The following GRB10 variants were observed in gnomAD, a reference collection of about 807,000 sequenced individuals.
GRB10 encodes growth factor receptor-bound protein 10.
A neutral mutation model predicts 80.9 loss-of-function variants in GRB10; 20 were observed. That is an observed-to-expected ratio of 0.25 (90% confidence interval 0.17 to 0.36). The LOEUF (loss-of-function observed/expected upper bound fraction) is 0.36, where lower values mean the gene tolerates loss of function less well. GRB10 is among the 10% of genes least tolerant of loss of function. The probability of loss-of-function intolerance (pLI) is 1.00; values close to 1 mark genes in which losing one functional copy is unlikely to be tolerated. For synonymous variants in GRB10, 291 were observed against 291.5 expected, an observed-to-expected ratio of 1.00 and a Z score of 0.02; for missense variants, 548 against 747.7, an observed-to-expected ratio of 0.73 and a Z score of 3.12.
At chr7:50,599,684 G>T (rs1420382615) in intron 17 of GRB10, among the ~76,000 whole-genome samples, 2 of 152,222 alleles carry the variant, frequency 1.3e-5, no homozygotes, top group African/African-American at 4.8e-5. Context: ...GGAACGGAAG[G>T]TAACAGAGGT....
intron 7 of GRB10, among the ~76,000 whole-genome samples, chr7:50,647,125 C>G (rs1352496440): frequency 6.6e-6 from 1 of 152,168 alleles, no homozygotes; most frequent in Admixed American, 6.5e-5. Flanking sequence ...ACAACAGTCT[C>G]AGCAAAACAA....
chr7:50,689,144 G>A (rs1227025316), intron 5 of GRB10, among the ~76,000 whole-genome samples: 1 of 152,162 alleles, frequency 6.6e-6, no homozygotes, highest in East Asian at 1.9e-4. Flanking sequence ...CCAAGGTGGG[G>A]AAACCATTTT....
chr7:50,624,731 G>C (rs966751355), intron 8 of GRB10, among the ~76,000 whole-genome samples: 1 of 152,196 alleles, frequency 6.6e-6, no homozygotes, highest in Non-Finnish European at 1.5e-5. Flanking sequence ...CTGGTGGTGA[G>C]AAAGAAAACT....
At chr7:50,779,538 TC>T (rs2078068886) in intron 2 of GRB10, 1 of 152,170 alleles carries the variant, frequency 6.6e-6, no homozygotes, top group Non-Finnish European at 1.5e-5. Context: ...TTCATTATTT[TC>T]CATCTAAGTA....
chr7:50,604,249 G>T, intron 16 of GRB10, 62 bp downstream of exon 16: 1 of 1,418,408 alleles, frequency 7.1e-7, no homozygotes, highest in Non-Finnish European at 1.0e-6. Context: ...GAGGGGGAGT[G>T]GAGGGGGGTG....
intron 3 of GRB10, among the ~76,000 whole-genome samples, chr7:50,754,352 G>A (rs1014395068): frequency 6.6e-6 from 1 of 152,230 alleles, no homozygotes; most frequent in Non-Finnish European, 1.5e-5. Context: ...ATGCTGTGAG[G>A]AGAAGGGTGA....
At chr7:50,675,821 T>C (rs1231523307) in intron 5 of GRB10, among the ~76,000 whole-genome samples, 3 of 151,332 alleles carry the variant, frequency 2.0e-5, no homozygotes, top group Non-Finnish European at 4.4e-5. Context: ...TGGGGAGGGG[T>C]TGGGGTGGGA....
intron 2 of GRB10, among the ~76,000 whole-genome samples, chr7:50,777,794 C>G (rs1266549268): frequency 6.6e-6 from 1 of 152,110 alleles, no homozygotes; most frequent in Non-Finnish European, 1.5e-5. Context: ...AAGCCATCAT[C>G]CTCAACAAAC....
chr7:50,735,747 C>T (rs921182115), intron 3 of GRB10, among the ~76,000 whole-genome samples: 4 of 152,060 alleles, frequency 2.6e-5, no homozygotes, highest in African/African-American at 9.7e-5. Context: ...GTAGCTTTAG[C>T]ATTAAAGATG....
At chr7:50,676,829 G>A (rs971393405) in intron 5 of GRB10, among the ~76,000 whole-genome samples, 2 of 152,200 alleles carry the variant, frequency 1.3e-5, no homozygotes, top group Non-Finnish European at 2.9e-5. Context: ...TGGGACAGTA[G>A]GAGCAGGGTT....
At chr7:50,673,443 G>A (rs2060568406) in intron 6 of GRB10, among the ~76,000 whole-genome samples, 1 of 152,032 alleles carries the variant, frequency 6.6e-6, no homozygotes, top group African/African-American at 2.4e-5. Flanking sequence ...CCATTCTCTA[G>A]ACACCCTCCT....
intron 7 of GRB10, among the ~76,000 whole-genome samples, chr7:50,661,603 C>T (rs1228493408): frequency 6.6e-6 from 1 of 152,196 alleles, no homozygotes; most frequent in African/African-American, 2.4e-5. Flanking sequence ...CCTGGGGACA[C>T]CCCGCCCTCT....
intron 4 of GRB10, among the ~76,000 whole-genome samples, chr7:50,725,025 G>C (rs1345331709): frequency 6.6e-6 from 1 of 152,186 alleles, no homozygotes; most frequent in Admixed American, 6.5e-5. Context: ...CTCCCGGCAA[G>C]GTAGCTGTGC....
intron 5 of GRB10, among the ~76,000 whole-genome samples, chr7:50,688,385 C>A (rs1444196228): frequency 6.6e-6 from 1 of 152,168 alleles, no homozygotes; most frequent in Non-Finnish European, 1.5e-5. Context: ...AAAGAGGAAG[C>A]AGCTGCTTTT....
intron 7 of GRB10, among the ~76,000 whole-genome samples, chr7:50,657,303 G>A (rs2058742607): frequency 6.6e-6 from 1 of 152,110 alleles, no homozygotes; most frequent in African/African-American, 2.4e-5. Flanking sequence ...AGTCAAAAGG[G>A]CAGTCACACT....
intron 13 of GRB10, among the ~76,000 whole-genome samples, chr7:50,610,856 G>A (rs532504428): frequency 1.6e-4 from 24 of 152,218 alleles, no homozygotes; most frequent in Middle Eastern, 3.4e-3. Context: ...CCTGTGGCTC[G>A]TTATGTTAGC....
chr7:50,745,516 C>T (rs1563686480), intron 3 of GRB10, among the ~76,000 whole-genome samples: 1 of 152,116 alleles, frequency 6.6e-6, no homozygotes, highest in Non-Finnish European at 1.5e-5. Context: ...CAACTATAAC[C>T]CCCACTGGTC....
At chr7:50,704,837 C>T (rs752114234) in intron 4 of GRB10, among the ~76,000 whole-genome samples, 47 of 152,314 alleles carry the variant, frequency 3.1e-4, no homozygotes, top group Non-Finnish European at 4.6e-4. Flanking sequence ...GCCACAGAGG[C>T]GGCCACTGAG....
chr7:50,766,473 T>A (rs1348394256), intron 2 of GRB10, among the ~76,000 whole-genome samples: 1 of 151,994 alleles, frequency 6.6e-6, no homozygotes, highest in Non-Finnish European at 1.5e-5. Context: ...TTAAAAAAAG[T>A]TAAAGGAGTT....
Sources: gnomAD v4.1 joint callset for allele counts (sites outside exome capture counted in the v4.1 genomes callset) on GRCh38, gnomAD v4.1.1 for gene constraint, MANE v1.5 for transcripts, NCBI Gene and HGNC (gene_info 2026-07-23, HGNC 2026-07-21) for gene names.